The following CALCR variants were observed in gnomAD, a reference collection of about 807,000 sequenced individuals.
CALCR encodes calcitonin receptor.
Under a neutral mutation model 59.5 loss-of-function variants are expected in CALCR, and 47 were observed. That is an observed-to-expected ratio of 0.79 (90% CI 0.63 to 1.01). The LOEUF (loss-of-function observed/expected upper bound fraction) is 1.01. CALCR is among the 50% of genes least tolerant of loss of function. CALCR has a pLI of 0.00. For missense variants in CALCR, 566 were observed against 597.1 expected (o/e 0.95, Z 0.54); for synonymous variants, 213 against 211.3 (o/e 1.01, Z -0.07).
chr7:93,486,949 T>C lies in CALCR; in HGVS notation c.33A>G (p.Ala11=), dbSNP rs757409273. The C allele has an allele frequency of 3.1e-6, 5 of 1,595,612 alleles. No individual in the cohort carries two copies. In the South Asian group the frequency reaches 3.4e-5, roughly 11 times the overall value. MRFTFTSRCL[A]LFLLLNHPTP... is the part of the protein sequence containing the mutation. Reference sequence around the variant, plus strand: ...TACTTACATTTAGAAGAAGAAACAGTGCCAAGCACCGGCTTGTAAATGTGA... The same window carrying C: ...TACTTACATTTAGAAGAAGAAACAGCGCCAAGCACCGGCTTGTAAATGTGA... The change falls in exon 3 of 14, where the codon GCA becomes GCG. Residue 11 remains alanine, a synonymous_variant. Transcript: ENST00000426151.
chr7:93,467,849 G>A (rs183455417), intron 7 of CALCR, among the ~76,000 whole-genome samples: 2 of 151,264 alleles, frequency 1.3e-5, no homozygotes, highest in East Asian at 3.9e-4. Context: ...CACTTATTAT[G>A]TGTCAGACAT....
chr7:93,454,262 T>A (rs1800163803), intron 8 of CALCR, among the ~76,000 whole-genome samples: 1 of 151,964 alleles, frequency 6.6e-6, no homozygotes, highest in Non-Finnish European at 1.5e-5. Context: ...TGTGACTACC[T>A]AAGAAGAAGC....
intron 2 of CALCR, among the ~76,000 whole-genome samples, chr7:93,512,497 A>G (rs1178010342): frequency 6.6e-6 from 1 of 152,162 alleles, no homozygotes; most frequent in Non-Finnish European, 1.5e-5. Flanking sequence ...AATTTGTAAT[A>G]AAAGTAATTC....
intron 2 of CALCR, among the ~76,000 whole-genome samples, chr7:93,498,510 C>T (rs1352576524): frequency 1.3e-5 from 2 of 151,586 alleles, no homozygotes; most frequent in Non-Finnish European, 3.0e-5. Flanking sequence ...ACTCTAATAG[C>T]AGCCATGATA....
chr7:93,445,743 A>C (rs970133715), intron 8 of CALCR, among the ~76,000 whole-genome samples: 1 of 152,076 alleles, frequency 6.6e-6, no homozygotes, highest in Non-Finnish European at 1.5e-5. Flanking sequence ...AACCAATAGC[A>C]CTATTACTTC....
At position 93,569,841 on chromosome 7, in the gene CALCR, C is replaced by T. The variant is rs143057794; in HGVS notation, c.-27+4448G>A. On this transcript the variant is annotated intron_variant, in intron 2 of 13. Transcript: ENST00000426151. ...TTTGAAATGTTGAATTCTGAACCAC[C>T]GGACAAATAAAGGGCAGGGAGTGAG... is the stretch of plus-strand genomic sequence containing the variant. Among the ~76,000 whole-genome samples the T allele has an allele frequency of 3.0e-4, 45 of 151,630 alleles. 1 individual carries two copies. Among genetic ancestry groups the T allele is most frequent in the Non-Finnish European group, 5.5e-4 (37 of 67,886 alleles).
intron 12 of CALCR, among the ~76,000 whole-genome samples, chr7:93,434,671 A>G (rs1344399858): frequency 6.6e-6 from 1 of 152,034 alleles, no homozygotes; most frequent in African/African-American, 2.4e-5. Flanking sequence ...TTACAAGACA[A>G]GTGTCATAGT....
intron 2 of CALCR, among the ~76,000 whole-genome samples, chr7:93,520,997 A>G (rs1441049138): frequency 1.3e-5 from 2 of 152,142 alleles, no homozygotes; most frequent in Non-Finnish European, 2.9e-5. Flanking sequence ...CATGGCTATA[A>G]AACATTTGGT....
At chr7:93,566,745 A>G (rs915955244) in intron 2 of CALCR, among the ~76,000 whole-genome samples, 1 of 152,146 alleles carries the variant, frequency 6.6e-6, no homozygotes, top group African/African-American at 2.4e-5. Flanking sequence ...GTATCATTGT[A>G]TCCTGCACAC....
At chr7:93,463,158 T>A (rs1800373505) in intron 7 of CALCR, among the ~76,000 whole-genome samples, 1 of 151,942 alleles carries the variant, frequency 6.6e-6, no homozygotes, top group East Asian at 1.9e-4. Flanking sequence ...TTCTTCAGTT[T>A]CGTATTAACT....
chr7:93,500,141 T>C (rs921049091), intron 2 of CALCR, among the ~76,000 whole-genome samples: 2 of 151,872 alleles, frequency 1.3e-5, no homozygotes, highest in Non-Finnish European at 2.9e-5. Flanking sequence ...ATTAAAACTC[T>C]ATCATAGGGT....
chr7:93,550,598 A>AACACACACACACACACACACAC (rs201729250), intron 2 of CALCR, among the ~76,000 whole-genome samples: 61 of 121,920 alleles, frequency 5.0e-4, no homozygotes, highest in African/African-American at 1.4e-3. Flanking sequence ...ATTTGGGCTA[A>AACACACACACACACACACACAC]ACACACACAC....
chr7:93,496,240 G>GT (rs1188909015), intron 2 of CALCR, among the ~76,000 whole-genome samples: 13 of 151,500 alleles, frequency 8.6e-5, no homozygotes, highest in African/African-American at 3.1e-4. Flanking sequence ...AGGAAATTAA[G>GT]TCTTTCCTAT....
chr7:93,482,373 T>C (rs762890001), intron 3 of CALCR, among the ~76,000 whole-genome samples: 7 of 151,886 alleles, frequency 4.6e-5, no homozygotes, highest in Admixed American at 2.6e-4. Flanking sequence ...GATCATTTGA[T>C]GTATTATTAA....
At chr7:93,465,961 C>G (rs1450015642) in intron 7 of CALCR, among the ~76,000 whole-genome samples, 2 of 151,632 alleles carry the variant, frequency 1.3e-5, no homozygotes, top group Non-Finnish European at 2.9e-5. Flanking sequence ...TTGAGGAGGA[C>G]AGCTGCAGGG....
At chr7:93,545,691 A>G (rs1789268575) in intron 2 of CALCR, among the ~76,000 whole-genome samples, 1 of 152,124 alleles carries the variant, frequency 6.6e-6, no homozygotes, top group Non-Finnish European at 1.5e-5. Context: ...CACAGTATTA[A>G]ATTTTTTTTT....
rs371663604 is a variant in CALCR, at chr7:93,477,557, C to A, written c.316+1G>T. On this transcript the variant is annotated splice_donor_variant, in intron 5 of 13. Transcript: ENST00000426151. LOFTEE classifies it high-confidence loss of function. ...ACATAAAATGAAAATAAACACTCTA[C>A]CTGATGGATCAAAATCCGGAAAATA... 1.9e-6 allele frequency: 3 copies of A among 1,586,908 alleles called. No homozygotes were observed. Among genetic ancestry groups the A allele is most frequent in the African/African-American group, 1.3e-5 (1 of 74,216 alleles).
chr7:93,432,813 A>G (rs1799685381), intron 13 of CALCR, among the ~76,000 whole-genome samples: 1 of 152,218 alleles, frequency 6.6e-6, no homozygotes. Flanking sequence ...ACCTGAAACA[A>G]CCCAAAAGGC....
chr7:93,445,770 C>CAA (rs1203882519), intron 8 of CALCR, among the ~76,000 whole-genome samples: 4 of 152,004 alleles, frequency 2.6e-5, no homozygotes, highest in African/African-American at 9.7e-5. Flanking sequence ...AAGAAAACTC[C>CAA]AACACACACA....
Sources: gnomAD v4.1 joint callset for allele counts (sites outside exome capture counted in the v4.1 genomes callset) on GRCh38, gnomAD v4.1.1 for gene constraint, MANE v1.5 for transcripts, NCBI Gene and HGNC (gene_info 2026-07-23, HGNC 2026-07-21) for gene names.